Variants in CTNNBIP1 observed in about 807,000 individuals in gnomAD.
The protein encoded by CTNNBIP1 is beta-catenin-interacting protein 1.
In CTNNBIP1, 7 loss-of-function variants were observed where a neutral mutation model predicts 11.8. That is an observed-to-expected ratio of 0.60 (90% CI 0.34 to 1.12). The LOEUF is 1.12. Ranked by LOEUF, CTNNBIP1 falls within the 50% of genes most tolerant of loss-of-function variation. The pLI is 0.03. For synonymous variants in CTNNBIP1, 58 were observed against 43.9 expected, an observed-to-expected ratio of 1.32 and a Z score of -1.26; for missense variants, 101 against 113.4, an observed-to-expected ratio of 0.89 and a Z score of 0.50.
chr1:9,866,679 C>CAAA (rs57899217), intron 5 of CTNNBIP1, among the ~76,000 whole-genome samples: 1 of 107,254 alleles, frequency 9.3e-6, no homozygotes, highest in Non-Finnish European at 2.1e-5. Context: ...AACTCCTTCT[C>CAAA]AAAAAAAAAA....
Position 9,872,698 on chromosome 1 carries a change from C to T in CTNNBIP1, c.-24-610G>A, listed in dbSNP as rs1638889879. 6.6e-6 allele frequency among the ~76,000 whole-genome samples: 1 copy of T among 152,120 alleles called. No homozygotes were observed. The highest frequency in any genetic ancestry group is 2.1e-4 in the South Asian group (1 of 4,824). On this transcript the variant is annotated intron_variant, in intron 3 of 5. Transcript: ENST00000377263. This position sits in a 1 kb window ranked among gnomAD's most constrained non-coding sequence, Gnocchi z 4.0. ...TGGCCCAGGGTTGCAGGGCTTGCTA[C>T]CTCAGCCCTCACAAACCCACCCCAC...
At position 9,876,428 on chromosome 1, in the gene CTNNBIP1, C is replaced by T. The variant is rs540373644; in HGVS notation, c.-25+1477G>A. ...GGTTAAGAGTTTGAGACTAGCCTGGCCAACATGGTGAAACCCAGTCTCTAT... is the reference window on the plus strand; with the variant it reads ...GGTTAAGAGTTTGAGACTAGCCTGGTCAACATGGTGAAACCCAGTCTCTAT... On this transcript the variant is annotated intron_variant, in intron 3 of 5. Transcript: ENST00000377263. Among the ~76,000 whole-genome samples, 105 of 152,232 alleles carry T rather than the reference C, an allele frequency of 6.9e-4. 1 individual carries two copies. Among genetic ancestry groups the T allele is most frequent in the Non-Finnish European group, 1.2e-3 (80 of 68,020 alleles).
In CTNNBIP1 at chr1:9,885,591, C is replaced by G. The variant is rs115669388; in HGVS notation, c.-143-1853G>C. 5.6e-3 allele frequency among the ~76,000 whole-genome samples: 844 copies of G among 150,638 alleles called. 3 individuals carry two copies. The highest frequency in any genetic ancestry group is 0.02 in the African/African-American group (811 of 40,830). On this transcript the variant is annotated intron_variant, in intron 1 of 5. Coordinates refer to ENST00000377263, the MANE Select transcript of CTNNBIP1 (RefSeq NM_020248.3). ...CCTGGAAAATCAAGGCTGCAGTGAG[C>G]AGTGATCATGCCACTAAACTCCAGC... is the stretch of plus-strand genomic sequence containing the variant.
intron 1 of CTNNBIP1, among the ~76,000 whole-genome samples, chr1:9,895,834 C>T (rs975197404): frequency 2.0e-5 from 3 of 151,950 alleles, no homozygotes; most frequent in African/African-American, 7.2e-5. Flanking sequence ...TGCTATGTTG[C>T]CCAGGCTGGT....
chr1:9,859,022 ACCACCAAAGCAGC>A, intron 5 of CTNNBIP1, among the ~76,000 whole-genome samples: 1 of 151,790 alleles, frequency 6.6e-6, no homozygotes, highest in Non-Finnish European at 1.5e-5. Flanking sequence ...GCTTAAAAAC[ACCACCAAAGCAGC>A]CCAGGGACAC....
Position 9,848,336 on chromosome 1 carries a change from T to C in CTNNBIP1, c.*2382A>G, listed in dbSNP as rs1638306153. On this transcript the variant is annotated 3_prime_UTR_variant, in exon 6 of 6. Transcript: ENST00000377263. The surrounding 1 kb of genome is among the most constrained non-coding windows in gnomAD (Gnocchi z 4.3). ...CCAACAGATATATTTTTAGTTGAAA[T>C]ATGGAGCCACAGCAACACTTTGACT... 1 of 152,184 alleles carries C rather than the reference T, an allele frequency of 6.6e-6. No individual in the cohort carries two copies. The highest frequency in any genetic ancestry group is 6.5e-5 in the Admixed American group (1 of 15,288). The allele number at this position is 152,184 out of a possible 1,614,324, so 9.4% of individuals were successfully genotyped here.
intron 5 of CTNNBIP1, among the ~76,000 whole-genome samples, chr1:9,865,187 C>A (rs1331996220): frequency 6.6e-6 from 1 of 151,346 alleles, no homozygotes; most frequent in Non-Finnish European, 1.5e-5. Flanking sequence ...CAAGATAGCA[C>A]CACTGCACTC....
chr1:9,856,247 G>A (rs1638500004), intron 5 of CTNNBIP1, among the ~76,000 whole-genome samples: 1 of 151,418 alleles, frequency 6.6e-6, no homozygotes. Flanking sequence ...CTGGGCTCAA[G>A]CCATCCTCTT....
chr1:9,864,083 G>A (rs932567830), intron 5 of CTNNBIP1, among the ~76,000 whole-genome samples: 2 of 152,224 alleles, frequency 1.3e-5, no homozygotes, highest in Non-Finnish European at 2.9e-5. Flanking sequence ...AAAGGGGAAA[G>A]CCTGGCTGGC....
At chr1:9,906,133 T>C (rs1378162100) in intron 1 of CTNNBIP1, among the ~76,000 whole-genome samples, 1 of 152,188 alleles carries the variant, frequency 6.6e-6, no homozygotes, top group Non-Finnish European at 1.5e-5. Context: ...GAGGAAAGTA[T>C]TACTATTGTG....
At chr1:9,894,930 CAG>C (rs1324859306) in intron 1 of CTNNBIP1, among the ~76,000 whole-genome samples, 2 of 105,884 alleles carry the variant, frequency 1.9e-5, no homozygotes, top group African/African-American at 5.9e-5. Context: ...TTTTTTGAGA[CAG>C]AGTCTCACTC....
intron 5 of CTNNBIP1, among the ~76,000 whole-genome samples, chr1:9,857,490 CAAA>C (rs561732405): frequency 8.0e-5 from 6 of 74,980 alleles, no homozygotes; most frequent in Non-Finnish European, 1.1e-4. Flanking sequence ...GACCCTGTCT[CAAA>C]AAAAAAAAAA....
intron 2 of CTNNBIP1, among the ~76,000 whole-genome samples, chr1:9,878,585 C>T (rs1639019104): frequency 6.6e-6 from 1 of 152,244 alleles, no homozygotes; most frequent in East Asian, 1.9e-4. Flanking sequence ...TACGTGCCCC[C>T]AATACACCTC....
At position 9,871,177 on chromosome 1, in the gene CTNNBIP1, G is replaced by A. The variant is rs1172497686; in HGVS notation, c.187+10C>T. 7.1e-6 allele frequency: 11 copies of A among 1,558,148 alleles called. No individual in the cohort carries two copies. The highest frequency in any genetic ancestry group is 2.3e-5 in the East Asian group (1 of 42,560). The stretch of plus-strand genomic sequence containing the variant: ...GTGCCACTGCCCCAGCCCCTCTGCC[G>A]CCAACTCACCCTGGTCGATGGAGTG... On this transcript the variant is annotated intron_variant, in intron 5 of 5. Coordinates refer to ENST00000377263, the MANE Select transcript of CTNNBIP1 (RefSeq NM_020248.3). This position sits in a 1 kb window ranked among gnomAD's most constrained non-coding sequence, Gnocchi z 5.2.
intron 5 of CTNNBIP1, among the ~76,000 whole-genome samples, chr1:9,856,246 A>C (rs1638499959): frequency 6.6e-6 from 1 of 152,092 alleles, no homozygotes; most frequent in Admixed American, 6.5e-5. Flanking sequence ...CCTGGGCTCA[A>C]GCCATCCTCT....
chr1:9,901,070 G>A (rs896089947), intron 1 of CTNNBIP1, among the ~76,000 whole-genome samples: 1 of 152,126 alleles, frequency 6.6e-6, no homozygotes, highest in Non-Finnish European at 1.5e-5. Flanking sequence ...ACAGCTTCAC[G>A]TATTTAAATC....
intron 1 of CTNNBIP1, among the ~76,000 whole-genome samples, chr1:9,904,581 G>A (rs1416944214): frequency 3.9e-5 from 6 of 152,264 alleles, no homozygotes; most frequent in Non-Finnish European, 4.4e-5. Flanking sequence ...CCTCTATAGA[G>A]GGGCCTGGTG....
chr1:9,896,743 CG>C (rs1192257995), intron 1 of CTNNBIP1, among the ~76,000 whole-genome samples: 4 of 151,768 alleles, frequency 2.6e-5, no homozygotes, highest in Middle Eastern at 6.8e-3. Flanking sequence ...CCAAGGTGGG[CG>C]AATCATGAGG....
Position 9,867,743 on chromosome 1 carries a change from TG to T in CTNNBIP1, c.187+3443del, listed in dbSNP as rs1638778324. ...TTATGGCAGTCTCTGCACCCTGCTC[TG>T]GCCCCCGCATCCTGCCCCAGTCCCT... is the stretch of plus-strand genomic sequence containing the variant. On this transcript the variant is annotated intron_variant, in intron 5 of 5. Coordinates refer to ENST00000377263, the MANE Select transcript of CTNNBIP1 (RefSeq NM_020248.3). The surrounding 1 kb of genome is among the most constrained non-coding windows in gnomAD (Gnocchi z 4.6). Among the ~76,000 whole-genome samples the T allele has an allele frequency of 6.6e-6, 1 of 152,204 alleles. No homozygotes were observed. The highest frequency in any genetic ancestry group is 2.1e-4 in the South Asian group (1 of 4,836).
Sources: allele counts gnomAD v4.1 joint callset (sites outside exome capture counted in the v4.1 genomes callset), GRCh38; gene constraint gnomAD v4.1.1; non-coding constraint Gnocchi (gnomAD v3.1); transcripts MANE v1.5; gene names NCBI Gene and HGNC (gene_info 2026-07-23, HGNC 2026-07-21).